Variants in ANKRD26 observed in about 807,000 individuals in gnomAD.
The protein encoded by ANKRD26 is ankyrin repeat domain 26.
In ANKRD26, 141 loss-of-function variants were observed where a neutral mutation model predicts 208.7. The observed-to-expected ratio is 0.68, with a 90% CI of 0.59 to 0.78. The LOEUF is 0.78. ANKRD26 is among the 30% of genes least tolerant of loss of function. ANKRD26 has a pLI of 0.00. For synonymous variants in ANKRD26, 636 were observed against 660.4 expected (o/e 0.96, Z 0.57); for missense variants, 1,889 against 1,938.7 (o/e 0.97, Z 0.48).
intron 17 of ANKRD26, among the ~76,000 whole-genome samples, chr10:27,046,831 A>G (rs958632556): frequency 1.3e-5 from 2 of 152,262 alleles, no homozygotes; most frequent in African/African-American, 4.8e-5. Context: ...TTGATATATG[A>G]AAAGATATAT....
At chr10:27,050,063 T>C (rs1292291693) in intron 16 of ANKRD26, among the ~76,000 whole-genome samples, 2 of 150,848 alleles carry the variant, frequency 1.3e-5, no homozygotes, top group African/African-American at 4.9e-5. Context: ...TCTACTAAAA[T>C]ACAAAAATTA....
chr10:27,092,484 A>G lies in ANKRD26; in HGVS notation c.560T>C (p.Val187Ala), dbSNP rs751754401. The change falls in exon 4 of 34, where the codon GTA becomes GCA. Residue 187 changes from valine (V) to alanine (A), a missense_variant. Around this residue, in one of 3 missense-constraint regions of ANKRD26, gnomAD observed 1,272 missense variants for 1,273.8 expected, o/e 1.00. Transcript: ENST00000376087. Reference sequence around the variant, plus strand: ...CACCATTTGCTGCTTTTTTCCACTTACTGCAAGTAAAAGTGGTGTGAGGTC... The same window carrying G: ...CACCATTTGCTGCTTTTTTCCACTTGCTGCAAGTAAAAGTGGTGTGAGGTC... ...KDDLTPLLLA[V>A]SGKKQQMVEF... The G allele has an allele frequency of 1.7e-5, 28 of 1,613,452 alleles. No homozygotes were observed. The highest frequency in any genetic ancestry group is 2.3e-5 in the Non-Finnish European group (27 of 1,179,884).
intron 16 of ANKRD26, among the ~76,000 whole-genome samples, chr10:27,050,469 T>C (rs750341254): frequency 2.6e-5 from 4 of 152,124 alleles, no homozygotes; most frequent in Non-Finnish European, 2.9e-5. Flanking sequence ...TTAAAAAATA[T>C]GTGAAAGTAC....
At chr10:26,959,642 C>CTT in the ANKRD26 span, among the ~76,000 whole-genome samples, 38 of 137,800 alleles carry the variant, frequency 2.8e-4, no homozygotes, top group African/African-American at 5.3e-4. Flanking sequence ...TTCGAATGCA[C>CTT]TTTTTTTTTT....
chr10:27,064,834 AAGTAT>A (rs72223319), intron 11 of ANKRD26, among the ~76,000 whole-genome samples: 14,381 of 152,162 alleles, frequency 0.095, 2,169 homozygotes, highest in African/African-American at 0.32. Context: ...AATTTCAAAA[AAGTAT>A]AGCAAGCCTT....
chr10:27,098,213 G>A (rs1369977325), intron 1 of ANKRD26, among the ~76,000 whole-genome samples: 1 of 151,030 alleles, frequency 6.6e-6, no homozygotes, highest in African/African-American at 2.4e-5. Flanking sequence ...GTCTTGCTAT[G>A]TTGCCCAGGC....
At chr10:27,025,666 T>C (rs530258302) in intron 27 of ANKRD26, among the ~76,000 whole-genome samples, 10 of 152,308 alleles carry the variant, frequency 6.6e-5, no homozygotes, top group African/African-American at 2.4e-4. Flanking sequence ...TACCCTCCCC[T>C]AGGCGTCTCT....
At chr10:27,099,942 G>A in intron 1 of ANKRD26, 143 bp downstream of exon 1, 1 of 1,325,258 alleles carries the variant, frequency 7.5e-7, no homozygotes, top group Non-Finnish European at 1.1e-6. Flanking sequence ...CTGGGCGCTG[G>A]AGCCCTGCAA....
intron 9 of ANKRD26, among the ~76,000 whole-genome samples, chr10:27,072,795 T>C (rs1289950853): frequency 1.3e-5 from 2 of 152,248 alleles, no homozygotes; most frequent in Admixed American, 1.3e-4. Context: ...TGCAACTGTC[T>C]ATGTGCCCAG....
In ANKRD26 at chr10:27,035,257, G is replaced by A. The variant is rs752359862; in HGVS notation, c.3193C>T (p.Gln1065Ter). The A allele has an allele frequency of 6.2e-7, 1 of 1,613,858 alleles. No individual in the cohort carries two copies. The highest frequency in any genetic ancestry group is 8.5e-7 in the Non-Finnish European group (1 of 1,179,884). ...LKDNNEILSQ[Q>*]LFKTESKLNS... is the part of the protein sequence containing the mutation. ...AGTTTACTTTCAGTTTTAAATAGTT[G>A]TTGAGAAAGAATCTCATTGTTATCT... The change falls in exon 24 of 34, where the codon CAA becomes TAA. Residue 1065 changes from glutamine to a stop codon, truncating the protein, a stop_gained. Transcript: ENST00000376087. LOFTEE classifies it high-confidence loss of function.
intron 16 of ANKRD26, chr10:27,052,006 CA>C: frequency 2.0e-6 from 2 of 985,358 alleles, no homozygotes; most frequent in Non-Finnish European, 2.4e-6. Flanking sequence ...TATACAGATA[CA>C]TCCTCTCTAT....
intron 5 of ANKRD26, among the ~76,000 whole-genome samples, chr10:27,084,218 CAAAAAAA>C (rs1275450082): frequency 2.4e-5 from 2 of 82,470 alleles, no homozygotes; most frequent in African/African-American, 3.6e-5. Flanking sequence ...AACTACATCT[CAAAAAAA>C]AAAAAAAAAA....
chr10:27,067,093 C>T lies in ANKRD26; in HGVS notation c.1207+64G>A, dbSNP rs888650071. ...AAGTGCTGGGATCACAGGTGTGAGC[C>T]ACATCTGGACCCCAGAATAGAACTT... On this transcript the variant is annotated intron_variant, in intron 10 of 33. Transcript: ENST00000376087. 1.4e-5 allele frequency: 22 copies of T among 1,574,158 alleles called. No homozygotes were observed. The African/African-American group carries it at 2.6e-4, about 18-fold the overall frequency.
At chr10:27,065,745 C>A (rs111706247) in intron 11 of ANKRD26, among the ~76,000 whole-genome samples, 2,469 of 133,672 alleles carry the variant, frequency 0.018, 142 homozygotes, top group East Asian at 0.18. Context: ...AAAAAAAAAA[C>A]AAAAAAAACT....
chr10:26,974,193 T>C (rs559174892), exon 6 of ANKRD26, among the ~76,000 whole-genome samples: 2 of 152,250 alleles, frequency 1.3e-5, no homozygotes, highest in South Asian at 4.1e-4. Flanking sequence ...TACATGCTAT[T>C]GTTGCTCAAT....
exon 6 of ANKRD26, among the ~76,000 whole-genome samples, chr10:26,974,287 A>G (rs1252198525): frequency 2.0e-5 from 3 of 151,270 alleles, no homozygotes; most frequent in African/African-American, 7.3e-5. Flanking sequence ...TACCTACATA[A>G]TTACCAATGT....
In ANKRD26 at chr10:27,040,328, A is replaced by C. The variant is rs1367323862; in HGVS notation, c.2162-150T>G. 3 of 659,446 alleles carry C rather than the reference A, an allele frequency of 4.5e-6. No individual in the cohort carries two copies. In the African/African-American group the frequency reaches 5.5e-5, roughly 12 times the overall value. The allele number at this position is 659,446 out of a possible 1,614,324, so 40.8% of individuals were successfully genotyped here. On this transcript the variant is annotated intron_variant, in intron 20 of 33. Transcript: ENST00000376087. ...CATTAAACTAAGCTCTGAAGATAAA[A>C]CAGGCAAGACCTCTGCACTTGCTTA...
intron 18 of ANKRD26, among the ~76,000 whole-genome samples, chr10:27,044,428 T>A (rs2054370463): frequency 6.6e-6 from 1 of 150,402 alleles, no homozygotes; most frequent in Admixed American, 6.6e-5. Context: ...AACAATATCA[T>A]AACAAACAAA....
intron 3 of ANKRD26, 74 bp from the exon 4 acceptor site, chr10:27,092,586 G>T (rs2056335617): frequency 1.8e-6 from 2 of 1,120,498 alleles, no homozygotes; most frequent in African/African-American, 1.5e-5. Flanking sequence ...CTCTATGTCA[G>T]ATCCTTTGAA....
Sources: allele counts gnomAD v4.1 joint callset (sites outside exome capture counted in the v4.1 genomes callset), GRCh38; gene constraint gnomAD v4.1.1; regional missense constraint gnomAD v4.1.1; transcripts MANE v1.5; gene names NCBI Gene and HGNC (gene_info 2026-07-23, HGNC 2026-07-21).